WFDC1: variants seen among roughly 807,000 people sequenced by gnomAD.
WFDC1 encodes WAP four-disulfide core domain 1, also known as WAP four-disulfide core domain protein 1.
Under a neutral mutation model 32.9 loss-of-function variants are expected in WFDC1, and 39 were observed. The observed-to-expected ratio is 1.19, with a 90% CI of 0.92 to 1.55. The LOEUF (loss-of-function observed/expected upper bound fraction) is 1.55. WFDC1 is among the 40% of genes most tolerant of loss of function. WFDC1 has a pLI of 0.00. For missense variants in WFDC1, 386 were observed against 309.5 expected (o/e 1.25, Z -1.85); for synonymous variants, 184 against 137.4 (o/e 1.34, Z -2.37).
intron 1 of WFDC1, among the ~76,000 whole-genome samples, chr16:84,298,553 G>A (rs371667306): frequency 9.2e-5 from 14 of 152,274 alleles, no homozygotes; most frequent in African/African-American, 1.7e-4. Context: ...GTGGCCTCAC[G>A]TGGGTTGCCT....
intron 1 of WFDC1, among the ~76,000 whole-genome samples, chr16:84,300,374 G>C (rs989160002): frequency 3.9e-5 from 6 of 152,244 alleles, no homozygotes; most frequent in Non-Finnish European, 8.8e-5. Context: ...CTAGTGCCCA[G>C]GCAGCCACCT....
intron 5 of WFDC1, 187 bp from the exon 6 acceptor site, chr16:84,326,695 G>A (rs888509032): frequency 1.6e-6 from 1 of 623,468 alleles, no homozygotes; most frequent in Non-Finnish European, 2.9e-6. Context: ...GACAGAGCTG[G>A]TGACACCAGC....
intron 4 of WFDC1, among the ~76,000 whole-genome samples, chr16:84,320,322 G>T (rs530866974): frequency 6.6e-6 from 1 of 152,096 alleles, no homozygotes; most frequent in South Asian, 2.1e-4. Context: ...GCTTGTAGGG[G>T]GTATATCAGT....
At chr16:84,310,506 A>G (rs401321) in intron 1 of WFDC1, among the ~76,000 whole-genome samples, 107,451 of 152,038 alleles carry the variant, frequency 0.71, 38,270 homozygotes, top group East Asian at 0.98. Flanking sequence ...GAATGTGTAC[A>G]TGGTAAAAAG....
At chr16:84,329,280 C>T (rs190929210) in intron 6 of WFDC1, 42 bp from the exon 7 acceptor site, 1 of 152,258 alleles carries the variant, frequency 6.6e-6, no homozygotes, top group Non-Finnish European at 1.5e-5. Context: ...TCTGGTCTGC[C>T]CTGCAGCGGT....
chr16:84,324,230 C>G (rs1415165098), intron 4 of WFDC1, among the ~76,000 whole-genome samples, 189 bp from the exon 5 acceptor site: 4 of 152,140 alleles, frequency 2.6e-5, no homozygotes, highest in Non-Finnish European at 5.9e-5. Flanking sequence ...GTTGATGGCT[C>G]TGGATATTAT....
At chr16:84,312,678 G>C (rs942807649) in intron 1 of WFDC1, among the ~76,000 whole-genome samples, 1 of 152,020 alleles carries the variant, frequency 6.6e-6, no homozygotes, top group Admixed American at 6.6e-5. Context: ...CTCACACCGG[G>C]TAGATACTTA....
intron 5 of WFDC1, among the ~76,000 whole-genome samples, chr16:84,325,478 C>G (rs1279434070): frequency 1.3e-5 from 2 of 151,960 alleles, no homozygotes; most frequent in Non-Finnish European, 2.9e-5. Flanking sequence ...GCTAGATTTA[C>G]AGGCATGAGC....
chr16:84,318,275 TAGAC>T lies in WFDC1; in HGVS notation c.342_345del (p.Leu114PhefsTer51). The T allele has an allele frequency of 6.2e-7, 1 of 1,614,080 alleles. No homozygotes were observed. The highest frequency in any genetic ancestry group is 8.5e-7 in the Non-Finnish European group (1 of 1,179,962). On this transcript the variant is annotated frameshift_variant, in exon 3 of 7. Transcript: ENST00000219454. LOFTEE classifies it high-confidence loss of function. Reference sequence around the variant, plus strand: ...ATCTGACCCCGTATTGTGTTAGTCTTAGACTGGCTGGTGCAGCCGAAACCTCGAT... The same window carrying T: ...ATCTGACCCCGTATTGTGTTAGTCTTTGGCTGGTGCAGCCGAAACCTCGAT...
chr16:84,307,090 T>G (rs1387950519), intron 1 of WFDC1, among the ~76,000 whole-genome samples: 1 of 151,948 alleles, frequency 6.6e-6, no homozygotes, highest in African/African-American at 2.4e-5. Flanking sequence ...GAGGTGGGAC[T>G]GGGTGGCTGG....
chr16:84,300,759 C>T (rs554983331), intron 1 of WFDC1, among the ~76,000 whole-genome samples: 2 of 152,252 alleles, frequency 1.3e-5, no homozygotes, highest in South Asian at 4.1e-4. Context: ...CACCCGAGGT[C>T]AGGAGTTCGA....
intron 1 of WFDC1, among the ~76,000 whole-genome samples, chr16:84,301,650 GGA>G (rs1339991004): frequency 2.0e-5 from 3 of 152,180 alleles, no homozygotes; most frequent in Non-Finnish European, 4.4e-5. Flanking sequence ...CCTGGGTGCT[GGA>G]GAGAGGGGAT....
intron 1 of WFDC1, among the ~76,000 whole-genome samples, chr16:84,305,235 C>T (rs1907181204): frequency 6.6e-6 from 1 of 152,214 alleles, no homozygotes; most frequent in African/African-American, 2.4e-5. Flanking sequence ...ATCACACAGC[C>T]CAGGCTCTAA....
In WFDC1 at chr16:84,295,162, G is replaced by A. The variant is rs1349185036; in HGVS notation, c.144+47G>A. The A allele has an allele frequency of 2.5e-6, 4 of 1,603,350 alleles. No individual in the cohort carries two copies. The Admixed American group carries it at 5.0e-5, about 20-fold the overall frequency. On this transcript the variant is annotated intron_variant, in intron 1 of 6. Coordinates refer to ENST00000219454, the MANE Select transcript of WFDC1 (RefSeq NM_021197.4). The stretch of plus-strand genomic sequence containing the variant: ...GCTGGGGCAGCCTGTGTGGGTGGGA[G>A]TCAGCCTTGAGGAGAGGCGATCCCT...
At chr16:84,306,343 C>G (rs750656572) in intron 1 of WFDC1, among the ~76,000 whole-genome samples, 4 of 152,120 alleles carry the variant, frequency 2.6e-5, no homozygotes, top group Non-Finnish European at 4.4e-5. Context: ...GGATATGGCT[C>G]CTAAGTTCTT....
At chr16:84,324,532 A>G (rs572182347) in intron 5 of WFDC1, 72 bp downstream of exon 5, 17 of 1,542,968 alleles carry the variant, frequency 1.1e-5, no homozygotes, top group Non-Finnish European at 1.4e-5. Flanking sequence ...TATGTGAAGA[A>G]AAAAATAAAA....
chr16:84,327,529 G>A (rs1184285623), intron 6 of WFDC1: 2 of 152,306 alleles, frequency 1.3e-5, no homozygotes, highest in African/African-American at 4.8e-5. Context: ...TTAGCCTATG[G>A]TAAAATTGTT....
intron 1 of WFDC1, among the ~76,000 whole-genome samples, chr16:84,309,104 G>A (rs1282215999): frequency 1.3e-5 from 2 of 152,206 alleles, no homozygotes; most frequent in South Asian, 2.1e-4. Flanking sequence ...CTGGTTGCCC[G>A]TCTGCTCTGC....
chr16:84,306,219 C>T (rs1227381932), intron 1 of WFDC1, among the ~76,000 whole-genome samples: 1 of 152,096 alleles, frequency 6.6e-6, no homozygotes, highest in Non-Finnish European at 1.5e-5. Context: ...TATGATCGCA[C>T]AGCCATGGGG....
Sources: allele counts gnomAD v4.1 joint callset (sites outside exome capture counted in the v4.1 genomes callset), GRCh38; gene constraint gnomAD v4.1.1; transcripts MANE v1.5; gene names NCBI Gene and HGNC (gene_info 2026-07-23, HGNC 2026-07-21).